Variants in SLC2A13 observed in about 807,000 individuals in gnomAD.
SLC2A13 encodes the protein solute carrier family 2 member 13, also known as proton myo-inositol cotransporter.
In SLC2A13, 32 loss-of-function variants were observed where a neutral mutation model predicts 64.4. The observed-to-expected ratio is 0.50, with a 90% confidence interval of 0.37 to 0.67. The LOEUF is 0.67. Ranked by LOEUF, SLC2A13 falls within the 30% of genes least tolerant of loss-of-function variation. The pLI, the probability that SLC2A13 is intolerant of heterozygous loss-of-function variation, is 0.00. For missense variants in SLC2A13, 743 were observed against 829.2 expected, an observed-to-expected ratio of 0.90 and a Z score of 1.28; for synonymous variants, 338 against 327.1, an observed-to-expected ratio of 1.03 and a Z score of -0.36.
intron 3 of SLC2A13, among the ~76,000 whole-genome samples, chr12:39,993,698 T>C (rs1199584681): frequency 6.6e-6 from 1 of 152,262 alleles, no homozygotes; most frequent in African/African-American, 2.4e-5. Context: ...GCAAGACTTA[T>C]TGCTTATTTA....
chr12:39,988,932 C>T (rs940844399), intron 3 of SLC2A13, among the ~76,000 whole-genome samples: 3 of 152,116 alleles, frequency 2.0e-5, no homozygotes, highest in Non-Finnish European at 4.4e-5. Context: ...TAGCAATCAC[C>T]TAGGCCTAGG....
rs562478862 is a variant in SLC2A13 at position 40,012,361 on chromosome 12, C to T, written c.925+15940G>A. On this transcript the variant is annotated intron_variant, in intron 3 of 9. Transcript: ENST00000280871. ...ATGATGTTCTTTTGCCATTTGGAAA[C>T]AGATACTCTTTTCTCAAAAATTATC... 2.0e-4 allele frequency among the ~76,000 whole-genome samples: 31 copies of T among 152,270 alleles called. 1 individual carries two copies. Among genetic ancestry groups the T allele is most frequent in the African/African-American group, 7.5e-4 (31 of 41,568 alleles).
At chr12:39,964,686 C>T (rs1461749161) in intron 3 of SLC2A13, among the ~76,000 whole-genome samples, 1 of 152,150 alleles carries the variant, frequency 6.6e-6, no homozygotes, top group African/African-American at 2.4e-5. Flanking sequence ...TGCACAGGGT[C>T]CTGGAGGTCA....
At chr12:40,066,856 G>T (rs1358876307) in intron 1 of SLC2A13, among the ~76,000 whole-genome samples, 3 of 152,052 alleles carry the variant, frequency 2.0e-5, no homozygotes, top group African/African-American at 7.2e-5. Flanking sequence ...ACTATCAAAA[G>T]CTAAATCTCA....
chr12:39,953,331 C>T (rs1242128799), intron 3 of SLC2A13, among the ~76,000 whole-genome samples: 2 of 152,022 alleles, frequency 1.3e-5, no homozygotes, highest in Non-Finnish European at 2.9e-5. Flanking sequence ...GATGGTAGTT[C>T]CTTTATTAGA....
chr12:40,030,486 A>C (rs765321195), intron 2 of SLC2A13, among the ~76,000 whole-genome samples: 1 of 152,180 alleles, frequency 6.6e-6, no homozygotes, highest in Non-Finnish European at 1.5e-5. Context: ...TTAGGAAATA[A>C]ATTTTAAAAG....
At position 40,099,049 on chromosome 12, in the gene SLC2A13, C is replaced by A. The variant is rs375876337; in HGVS notation, c.556+6204G>T. Among the ~76,000 whole-genome samples, 18 of 152,278 alleles carry A rather than the reference C, an allele frequency of 1.2e-4. No individual in the cohort carries two copies. The East Asian group carries it at 1.9e-3, about 16-fold the overall frequency. On this transcript the variant is annotated intron_variant, in intron 1 of 9. Coordinates refer to ENST00000280871, the MANE Select transcript of SLC2A13 (RefSeq NM_052885.4). ...GTGGCCTTGGACACATGCTGCAGAC[C>A]GCACCATTTCAAATGGTGGCCTTTA...
chr12:39,938,863 A>G (rs1945968744), intron 4 of SLC2A13, among the ~76,000 whole-genome samples: 1 of 152,132 alleles, frequency 6.6e-6, no homozygotes, highest in Admixed American at 6.6e-5. Flanking sequence ...CCCTGCAGCC[A>G]TCATGGAAAC....
chr12:39,778,035 C>T (rs936529488), intron 7 of SLC2A13, among the ~76,000 whole-genome samples: 7 of 152,184 alleles, frequency 4.6e-5, no homozygotes, highest in Non-Finnish European at 8.8e-5. Flanking sequence ...TAAACATTCA[C>T]CCCTAGACAC....
At chr12:39,907,680 C>CT (rs1179887647) in intron 4 of SLC2A13, 1 of 152,280 alleles carries the variant, frequency 6.6e-6, no homozygotes, top group East Asian at 1.9e-4. Context: ...TGAGGTGCAT[C>CT]TCACCAACCA....
intron 7 of SLC2A13, among the ~76,000 whole-genome samples, chr12:39,820,770 TATATATAA>T (rs1271375033): frequency 3.2e-5 from 1 of 31,692 alleles, no homozygotes; most frequent in East Asian, 1.3e-3. Flanking sequence ...TATATATATA[TATATATAA>T]AGCAACATGT....
chr12:39,859,852 A>C (rs980607136), intron 6 of SLC2A13, among the ~76,000 whole-genome samples: 1 of 152,238 alleles, frequency 6.6e-6, no homozygotes, highest in South Asian at 2.1e-4. Context: ...AAAAAGAAAA[A>C]GTATAATGAA....
intron 3 of SLC2A13, among the ~76,000 whole-genome samples, chr12:39,971,209 A>G (rs1946640931): frequency 1.3e-5 from 2 of 152,224 alleles, no homozygotes; most frequent in African/African-American, 2.4e-5. Flanking sequence ...AACCCAATAA[A>G]CAATGTAGAA....
chr12:39,910,269 C>G (rs1945399122), intron 4 of SLC2A13, among the ~76,000 whole-genome samples: 1 of 152,096 alleles, frequency 6.6e-6, no homozygotes, highest in South Asian at 2.1e-4. Context: ...ATATCTGTAT[C>G]TTTATAACTT....
chr12:39,762,852 A>ACTT (rs1255127657), intron 9 of SLC2A13, among the ~76,000 whole-genome samples: 1 of 152,100 alleles, frequency 6.6e-6, no homozygotes, highest in South Asian at 2.1e-4. Flanking sequence ...AAAGCAACAC[A>ACTT]CTTTTAACTG....
Position 40,105,685 on chromosome 12 carries a change from G to T in SLC2A13, c.124C>A (p.Leu42Met), listed in dbSNP as rs1015393959. ...AASAAGECSL[L>M]AAAESSTSLQ... The stretch of plus-strand genomic sequence containing the variant: ...CTGGTGCTCGATTCGGCGGCAGCCA[G>T]GAGGCTGCACTCCCCGGCCGCGCTC... Residue 42 changes from leucine to methionine, a missense_variant, in exon 1 of 10, where the codon CTG (leucine) becomes ATG (methionine). Around this residue, in one of 2 missense-constraint regions of SLC2A13, gnomAD observed 448 missense variants for 447.4 expected, o/e 1.00. Transcript: ENST00000280871. The surrounding 1 kb of genome is among the most constrained non-coding windows in gnomAD (Gnocchi z 4.2). 1 of 1,492,034 alleles carries T rather than the reference G, an allele frequency of 6.7e-7. No homozygotes were observed. The highest frequency in any genetic ancestry group is 8.9e-7 in the Non-Finnish European group (1 of 1,122,882). 92.4% of individuals were successfully genotyped at this position (1,492,034 alleles called of 1,614,324 possible).
chr12:39,830,910 C>T (rs1942834367), intron 6 of SLC2A13, among the ~76,000 whole-genome samples: 1 of 152,128 alleles, frequency 6.6e-6, no homozygotes, highest in Non-Finnish European at 1.5e-5. Context: ...AATTGGATCA[C>T]AAAGTCATAA....
At chr12:40,043,305 C>T (rs943621406) in intron 2 of SLC2A13, among the ~76,000 whole-genome samples, 3 of 151,986 alleles carry the variant, frequency 2.0e-5, no homozygotes, top group Admixed American at 6.6e-5. Flanking sequence ...GTGAGTAAAT[C>T]TCACTATGTT....
At chr12:39,934,813 C>T (rs1053483964) in intron 4 of SLC2A13, among the ~76,000 whole-genome samples, 6 of 152,030 alleles carry the variant, frequency 3.9e-5, no homozygotes, top group Admixed American at 3.3e-4. Flanking sequence ...TTAATCTGTC[C>T]AGTAAGAAAT....
Sources: allele counts gnomAD v4.1 joint callset (sites outside exome capture counted in the v4.1 genomes callset), GRCh38; gene constraint gnomAD v4.1.1; regional missense constraint gnomAD v4.1.1; non-coding constraint Gnocchi (gnomAD v3.1); transcripts MANE v1.5; gene names NCBI Gene and HGNC (gene_info 2026-07-23, HGNC 2026-07-21).